BMP8B: variants seen among roughly 807,000 people sequenced by gnomAD.
BMP8B encodes the protein bone morphogenetic protein 8 (osteogenic protein 2).
A neutral mutation model predicts 30.3 loss-of-function variants in BMP8B; 17 were observed. That is an observed-to-expected ratio of 0.56 (90% CI 0.38 to 0.84). The LOEUF is 0.84. BMP8B is among the 40% of genes least tolerant of loss of function. The pLI is 0.00. For missense variants in BMP8B, 253 were observed against 494.6 expected (o/e 0.51, Z 4.63); for synonymous variants, 131 against 214.7 (o/e 0.61, Z 3.41).
In BMP8B at chr1:39,786,036, G is replaced by A. The variant is rs1650962827; in HGVS notation, c.334+2116C>T. Among the ~76,000 whole-genome samples, 5 of 152,166 alleles carry A rather than the reference G, an allele frequency of 3.3e-5. No homozygotes were observed. In the South Asian group the frequency reaches 1.0e-3, roughly 32 times the overall value. On this transcript the variant is annotated intron_variant, in intron 1 of 6. Coordinates refer to ENST00000372827, the MANE Select transcript of BMP8B (RefSeq NM_001720.5). ...CAAAGCTGGTGTGGGAAGAAGCTGG[G>A]ATTTGAAATCCACAGCCGTGGATGT...
chr1:39,770,654 C>G (rs1383003886), intron 3 of BMP8B: 2 of 1,508,612 alleles, frequency 1.3e-6, no homozygotes, highest in South Asian at 2.3e-5. Context: ...CCGGATGGCG[C>G]GCTCCAAAAG....
chr1:39,759,864 T>A lies in BMP8B; in HGVS notation c.*555A>T, dbSNP rs1648698433. The A allele has an allele frequency of 1.3e-5, 2 of 154,082 alleles. No homozygotes were observed. Among genetic ancestry groups the A allele is most frequent in the Non-Finnish European group, 2.9e-5 (2 of 69,172 alleles). 9.5% of individuals were successfully genotyped at this position (154,082 alleles called of 1,614,324 possible). On this transcript the variant is annotated 3_prime_UTR_variant, in exon 7 of 7. Coordinates refer to ENST00000372827, the MANE Select transcript of BMP8B (RefSeq NM_001720.5). ...CTTGAGTTGACTCCACATGTCTACC[T>A]GTGACCAGTGGATCAGTGCTTCAGA... is the stretch of plus-strand genomic sequence containing the variant.
intron 1 of BMP8B, among the ~76,000 whole-genome samples, chr1:39,777,370 T>C (rs2248992): frequency 0.35 from 53,736 of 152,138 alleles, 10,744 homozygotes; most frequent in African/African-American, 0.55. Context: ...ATGTGGCTCC[T>C]GGGAAAATAA....
Position 39,760,533 on chromosome 1 carries a change from C to T in BMP8B, c.1095G>A (p.Ala365=), listed in dbSNP as rs140672744. 907 of 1,614,062 alleles carry T rather than the reference C, an allele frequency of 5.6e-4. 2 individuals are homozygous for T. The African/African-American group carries it at 9.9e-3, about 18-fold the overall frequency. Reference sequence around the variant, plus strand: ...CGCTCAGCTTGGTGGGTGCACAGCACGCCTTGGGGACTGCGTCTGGCATCA... The same window carrying T: ...CGCTCAGCTTGGTGGGTGCACAGCATGCCTTGGGGACTGCGTCTGGCATCA... The part of the protein sequence containing the change: ...HLMMPDAVPK[A]CCAPTKLSAT... The change falls in exon 7 of 7, where the codon GCG becomes GCA. Residue 365 remains alanine (A), a synonymous_variant. Transcript: ENST00000372827.
At position 39,760,167 on chromosome 1, in the gene BMP8B, T is replaced by C. The variant is rs1356132499; in HGVS notation, c.*252A>G. The C allele has an allele frequency of 1.1e-5, 7 of 618,364 alleles. No individual in the cohort carries two copies. In the Admixed American group the frequency reaches 2.2e-4, roughly 19 times the overall value. 38.3% of individuals were successfully genotyped at this position (618,364 alleles called of 1,614,324 possible). On this transcript the variant is annotated 3_prime_UTR_variant, in exon 7 of 7. Transcript: ENST00000372827. ...CCAGGACATGCCTCCGGGAGAGGCG[T>C]TTGCATTTGGGTAGAACACTGCCTG... is the stretch of plus-strand genomic sequence containing the variant.
Position 39,783,826 on chromosome 1 carries a change from C to T in BMP8B, c.334+4326G>A, listed in dbSNP as rs575249794. Among the ~76,000 whole-genome samples, 38 of 152,312 alleles carry T rather than the reference C, an allele frequency of 2.5e-4. No individual in the cohort carries two copies. In the East Asian group the frequency reaches 7.1e-3, roughly 29 times the overall value. The stretch of plus-strand genomic sequence containing the variant: ...TCAGGAGGCTGAGGTGAGAACATTG[C>T]TTGAGGCCAGGAGTTTGCAGTTGCA... On this transcript the variant is annotated intron_variant, in intron 1 of 6. Coordinates refer to ENST00000372827, the MANE Select transcript of BMP8B (RefSeq NM_001720.5).
At chr1:39,771,819 A>T (rs948202829) in intron 3 of BMP8B, among the ~76,000 whole-genome samples, 2 of 145,836 alleles carry the variant, frequency 1.4e-5, no homozygotes, top group African/African-American at 2.6e-5. Context: ...CACCTCCATC[A>T]GGAAGGGTCC....
At position 39,762,760 on chromosome 1, in the gene BMP8B, C is replaced by T. The variant is rs547482564; in HGVS notation, c.1059+332G>A. On this transcript the variant is annotated intron_variant, in intron 6 of 6. Coordinates refer to ENST00000372827, the MANE Select transcript of BMP8B (RefSeq NM_001720.5). Reference sequence around the variant, plus strand: ...GTGCTAAGATCACACAGCCCCCACACAGTGTACACATCTGTTTCATGTGCT... The same window carrying T: ...GTGCTAAGATCACACAGCCCCCACATAGTGTACACATCTGTTTCATGTGCT... 8.1e-6 allele frequency: 11 copies of T among 1,353,996 alleles called. No individual in the cohort carries two copies. In the African/African-American group the frequency reaches 1.3e-4, roughly 16 times the overall value. 83.9% of individuals were successfully genotyped at this position (1,353,996 alleles called of 1,614,324 possible).
intron 1 of BMP8B, among the ~76,000 whole-genome samples, chr1:39,780,660 T>C (rs1293059346): frequency 1.3e-5 from 2 of 152,182 alleles, no homozygotes; most frequent in Non-Finnish European, 2.9e-5. Flanking sequence ...GGGAGGCCAA[T>C]GTGGATGGAT....
At chr1:39,766,303 A>G (rs1001712554) in intron 3 of BMP8B, among the ~76,000 whole-genome samples, 3 of 146,516 alleles carry the variant, frequency 2.0e-5, no homozygotes, top group African/African-American at 7.8e-5. Context: ...AAACAGTGCC[A>G]GTTGTTCAGT....
Position 39,788,475 on chromosome 1 carries a change from A to G in BMP8B, c.11T>C (p.Leu4Pro). MTA[L>P]PGPLWLLGLA... Reference sequence around the variant, plus strand: ...GCCCAGGAGCCAGAGCGGGCCGGGGAGCGCGGTCATGGCAGGCCGGGGGCG... The same window carrying G: ...GCCCAGGAGCCAGAGCGGGCCGGGGGGCGCGGTCATGGCAGGCCGGGGGCG... Residue 4 changes from leucine to proline, a missense_variant, in exon 1 of 7, where the codon CTC becomes CCC. Physicochemically the swap from Leu to Pro is moderately conservative, Grantham distance 98 (BLOSUM62 -3). This residue lies in a region of BMP8B where 54 missense variants were observed against 70.8 expected (regional missense o/e 0.76). Coordinates refer to ENST00000372827, the MANE Select transcript of BMP8B (RefSeq NM_001720.5). This position sits in a 1 kb window ranked among gnomAD's most constrained non-coding sequence, Gnocchi z 5.8. The G allele has an allele frequency of 9.8e-7, 1 of 1,020,568 alleles. No individual in the cohort carries two copies. The highest frequency in any genetic ancestry group is 1.2e-6 in the Non-Finnish European group (1 of 854,574). 63.2% of individuals were successfully genotyped at this position (1,020,568 alleles called of 1,614,324 possible). A position where few individuals can be genotyped will look rare whatever the true frequency, so the allele number is the denominator to read the frequency against.
At position 39,760,525 on chromosome 1, in the gene BMP8B, G is replaced by A. The variant is rs778533929; in HGVS notation, c.1103C>T (p.Ala368Val). The change falls in exon 7 of 7, where the codon GCA (alanine) becomes GTA (valine). Residue 368 changes from alanine to valine, a missense_variant. This residue lies in a region of BMP8B where 116 missense variants were observed against 142.3 expected (regional missense o/e 0.81). Coordinates refer to ENST00000372827, the MANE Select transcript of BMP8B (RefSeq NM_001720.5). ...AGAGGTGGCGCTCAGCTTGGTGGGT[G>A]CACAGCACGCCTTGGGGACTGCGTC... ...MPDAVPKACC[A>V]PTKLSATSVL... is the part of the protein sequence containing the mutation. The A allele has an allele frequency of 5.0e-6, 8 of 1,613,950 alleles. No individual in the cohort carries two copies. The highest frequency in any genetic ancestry group is 1.7e-5 in the Admixed American group (1 of 60,002).
chr1:39,762,689 C>T (rs1211625747), intron 6 of BMP8B: 66 of 1,489,220 alleles, frequency 4.4e-5, no homozygotes, highest in Non-Finnish European at 5.5e-5. Flanking sequence ...ACACTGTGCA[C>T]ACATATCACG....
rs911749005 is a variant in BMP8B at position 39,759,861 on chromosome 1, A to C, written c.*558T>G. 3 of 153,638 alleles carry C rather than the reference A, an allele frequency of 2.0e-5. No individual in the cohort carries two copies. The highest frequency in any genetic ancestry group is 2.0e-4 in the South Asian group (1 of 4,906). The allele number at this position is 153,638 out of a possible 1,614,324, so 9.5% of individuals were successfully genotyped here. On this transcript the variant is annotated 3_prime_UTR_variant, in exon 7 of 7. Coordinates refer to ENST00000372827, the MANE Select transcript of BMP8B (RefSeq NM_001720.5). ...TTTCTTGAGTTGACTCCACATGTCT[A>C]CCTGTGACCAGTGGATCAGTGCTTC...
rs1431037188 is a variant in BMP8B at position 39,771,276 on chromosome 1, C to T, written c.673+3032G>A. 2.7e-6 allele frequency: 4 copies of T among 1,506,924 alleles called. No individual in the cohort carries two copies. In the East Asian group the frequency reaches 7.4e-5, roughly 28 times the overall value. The allele number at this position is 1,506,924 out of a possible 1,614,324, so 93.3% of individuals were successfully genotyped here. A position where few individuals can be genotyped will look rare whatever the true frequency, so the allele number is the denominator to read the frequency against. On this transcript the variant is annotated intron_variant, in intron 3 of 6. Transcript: ENST00000372827. ...GCCATAGTCGGCCCGGGTCGGAGGC[C>T]AGGACAGGTGGTGTGAGCCCTGCGT...
intron 3 of BMP8B, chr1:39,770,439 G>T: frequency 1.2e-6 from 2 of 1,609,132 alleles, no homozygotes; most frequent in Admixed American, 1.7e-5. Context: ...TCGTATTTCT[G>T]CCCCTTTATC....
chr1:39,778,122 G>A (rs1293449529), intron 1 of BMP8B, among the ~76,000 whole-genome samples: 1 of 152,234 alleles, frequency 6.6e-6, no homozygotes, highest in Non-Finnish European at 1.5e-5. Flanking sequence ...CAGAGCGGGG[G>A]TGCCCCGGCC....
chr1:39,762,530 C>T lies in BMP8B; in HGVS notation c.1059+562G>A, dbSNP rs542290558. 7 of 1,550,214 alleles carry T rather than the reference C, an allele frequency of 4.5e-6. No individual in the cohort carries two copies. The African/African-American group carries it at 6.8e-5, about 15-fold the overall frequency. On this transcript the variant is annotated intron_variant, in intron 6 of 6. Coordinates refer to ENST00000372827, the MANE Select transcript of BMP8B (RefSeq NM_001720.5). ...TTGTCCTTTAAGGTTGCCCCAGATA[C>T]CAAGGCATCAAAAGCCAGGGGATCC...
chr1:39,762,182 AT>A, intron 6 of BMP8B: 1 of 183,882 alleles, frequency 5.4e-6, no homozygotes, highest in Non-Finnish European at 1.1e-5. Flanking sequence ...GCTTTTGGTA[AT>A]TTATTTCCTC....
Sources: allele counts gnomAD v4.1 joint callset (sites outside exome capture counted in the v4.1 genomes callset), GRCh38; gene constraint gnomAD v4.1.1; regional missense constraint gnomAD v4.1.1; non-coding constraint Gnocchi (gnomAD v3.1); transcripts MANE v1.5; gene names NCBI Gene and HGNC (gene_info 2026-07-23, HGNC 2026-07-21).